Variants in KIRREL3 observed in about 807,000 individuals in gnomAD.
The protein encoded by KIRREL3 is kin of IRRE-like protein 3.
Under a neutral mutation model 89.7 loss-of-function variants are expected in KIRREL3, and 36 were observed. The ratio of observed to expected loss-of-function variants is 0.40; its 90% confidence interval spans 0.31 to 0.53. The LOEUF (loss-of-function observed/expected upper bound fraction) is 0.53, where lower values mean the gene tolerates loss of function less well. Ranked by LOEUF, KIRREL3 falls within the 20% of genes least tolerant of loss-of-function variation. The pLI, the probability that KIRREL3 is intolerant of heterozygous loss-of-function variation, is 0.49. For missense variants in KIRREL3, 864 were observed against 1,056.6 expected, an observed-to-expected ratio of 0.82 and a Z score of 2.53; for synonymous variants, 445 against 441.4, an observed-to-expected ratio of 1.01 and a Z score of -0.10.
chr11:126,808,218 G>A lies in KIRREL3; in HGVS notation c.55+192237C>T, dbSNP rs1184874598. On this transcript the variant is annotated intron_variant, in intron 1 of 16. Transcript: ENST00000525144. The surrounding 1 kb of genome is among the most constrained non-coding windows in gnomAD (Gnocchi z 4.1). Reference sequence around the variant, plus strand: ...CATAAAGGAAAGAGGGATCCATGGAGTAAGAGGTCCCTTCAGGGGAGTCAT... The same window carrying A: ...CATAAAGGAAAGAGGGATCCATGGAATAAGAGGTCCCTTCAGGGGAGTCAT... 6.6e-6 allele frequency among the ~76,000 whole-genome samples: 1 copy of A among 152,208 alleles called. No individual in the cohort carries two copies. The highest frequency in any genetic ancestry group is 1.5e-5 in the Non-Finnish European group (1 of 68,032).
Position 126,918,790 on chromosome 11 carries a change from C to A in KIRREL3, c.55+81665G>T, listed in dbSNP as rs568899204. 6.6e-6 allele frequency among the ~76,000 whole-genome samples: 1 copy of A among 152,134 alleles called. No homozygotes were observed. Among genetic ancestry groups the A allele is most frequent in the Non-Finnish European group, 1.5e-5 (1 of 68,030 alleles). On this transcript the variant is annotated intron_variant, in intron 1 of 16. Transcript: ENST00000525144. The surrounding 1 kb of genome is among the most constrained non-coding windows in gnomAD (Gnocchi z 6.5). Reference sequence around the variant, plus strand: ...GTAATCAATTGCAGGGTGTGCAAGGCCTTCCTGATGTCTGCATGTTATAAA... The same window carrying A: ...GTAATCAATTGCAGGGTGTGCAAGGACTTCCTGATGTCTGCATGTTATAAA...
At chr11:126,679,301 C>G (rs1458440438) in intron 1 of KIRREL3, among the ~76,000 whole-genome samples, 3 of 152,184 alleles carry the variant, frequency 2.0e-5, no homozygotes, top group Admixed American at 6.5e-5. Flanking sequence ...CAATATATAG[C>G]CTTGTGGTTG....
intron 1 of KIRREL3, among the ~76,000 whole-genome samples, chr11:126,851,479 G>T (rs1413124232): frequency 1.3e-5 from 2 of 152,180 alleles, no homozygotes; most frequent in East Asian, 1.9e-4. Context: ...GTGATTTATT[G>T]TTGAAATTCC....
chr11:126,804,156 C>T (rs1420630311), intron 1 of KIRREL3, among the ~76,000 whole-genome samples: 1 of 152,186 alleles, frequency 6.6e-6, no homozygotes, highest in African/African-American at 2.4e-5. Flanking sequence ...CAGTCAATGG[C>T]CAGCAACACG....
At chr11:126,725,324 G>A (rs555056047) in intron 1 of KIRREL3, among the ~76,000 whole-genome samples, 5 of 132,370 alleles carry the variant, frequency 3.8e-5, no homozygotes, top group African/African-American at 1.1e-4. Context: ...GGCAGAGTGC[G>A]CTATCAGGAG....
intron 1 of KIRREL3, among the ~76,000 whole-genome samples, chr11:126,789,661 G>A (rs953024055): frequency 6.6e-6 from 1 of 152,160 alleles, no homozygotes; most frequent in African/African-American, 2.4e-5. Context: ...TCTCCCCGGA[G>A]TTGTAGGAAG....
chr11:126,473,277 TCCACAC>T, intron 5 of KIRREL3, 26 bp downstream of exon 5: 1 of 438,750 alleles, frequency 2.3e-6, no homozygotes, highest in Non-Finnish European at 2.9e-6. Flanking sequence ...TTGAAGCCCG[TCCACAC>T]CCACCCCCTC....
At chr11:126,832,465 C>T (rs986171513) in intron 1 of KIRREL3, among the ~76,000 whole-genome samples, 1 of 152,212 alleles carries the variant, frequency 6.6e-6, no homozygotes, top group African/African-American at 2.4e-5. Flanking sequence ...AACCTCCTCC[C>T]TTTCCCAGAG....
In KIRREL3 at chr11:126,485,506, T is replaced by C. The variant is rs1468679947; in HGVS notation, c.434-12040A>G. Among the ~76,000 whole-genome samples the C allele has an allele frequency of 6.6e-6, 1 of 152,202 alleles. No individual in the cohort carries two copies. Among genetic ancestry groups the C allele is most frequent in the African/African-American group, 2.4e-5 (1 of 41,450 alleles). ...TGCAAATTCTCTGTGCTGGATGATGTTAATGTCATAGATATTATAGTAGCT... is the reference window on the plus strand; with the variant it reads ...TGCAAATTCTCTGTGCTGGATGATGCTAATGTCATAGATATTATAGTAGCT... On this transcript the variant is annotated intron_variant, in intron 4 of 16. Transcript: ENST00000525144. The surrounding 1 kb of genome is among the most constrained non-coding windows in gnomAD (Gnocchi z 5.8).
At chr11:126,828,406 C>A (rs1026232105) in intron 1 of KIRREL3, among the ~76,000 whole-genome samples, 2 of 152,172 alleles carry the variant, frequency 1.3e-5, no homozygotes, top group Non-Finnish European at 2.9e-5. Context: ...AAGCCTTAGT[C>A]TCTCCTACAA....
chr11:126,692,272 C>A lies in KIRREL3; in HGVS notation c.56-129360G>T, dbSNP rs149810755. On this transcript the variant is annotated intron_variant, in intron 1 of 16. Coordinates refer to ENST00000525144, the MANE Select transcript of KIRREL3 (RefSeq NM_032531.4). ...CTAAGAGGTGGAAATAGGCTGGGCA[C>A]GGTGGTTCAGGCCTGTAATCCTAGC... 2.5e-3 allele frequency among the ~76,000 whole-genome samples: 387 copies of A among 152,146 alleles called. 2 individuals are homozygous for A. The highest frequency in any genetic ancestry group is 8.9e-3 in the African/African-American group (370 of 41,500).
intron 1 of KIRREL3, among the ~76,000 whole-genome samples, chr11:126,933,179 G>A (rs1948028288): frequency 6.6e-6 from 1 of 152,096 alleles, no homozygotes; most frequent in Non-Finnish European, 1.5e-5. Flanking sequence ...GAAAAATGCT[G>A]TGCAATTCAA....
In KIRREL3 at chr11:126,471,668, A is replaced by G. The variant is rs1269714940; in HGVS notation, c.591+1641T>C. The stretch of plus-strand genomic sequence containing the variant: ...GTGTGGCCCTGGGGAGATTTAGGGT[A>G]GGGGTATAATGTCCTGGACTATGGA... On this transcript the variant is annotated intron_variant, in intron 5 of 16. Coordinates refer to ENST00000525144, the MANE Select transcript of KIRREL3 (RefSeq NM_032531.4). The surrounding 1 kb of genome is among the most constrained non-coding windows in gnomAD (Gnocchi z 5.4). Among the ~76,000 whole-genome samples, 1 of 151,642 alleles carries G rather than the reference A, an allele frequency of 6.6e-6. No homozygotes were observed. The highest frequency in any genetic ancestry group is 1.5e-5 in the Non-Finnish European group (1 of 67,948).
intron 1 of KIRREL3, among the ~76,000 whole-genome samples, chr11:126,952,790 CT>C (rs567885783): frequency 1.2e-3 from 178 of 152,288 alleles, no homozygotes; most frequent in African/African-American, 4.0e-3. Flanking sequence ...GAGATACCAT[CT>C]CACGCCAGTT....
rs1217250390 is a variant in KIRREL3, at chr11:126,872,906, C to T, written c.55+127549G>A. On this transcript the variant is annotated intron_variant, in intron 1 of 16. Coordinates refer to ENST00000525144, the MANE Select transcript of KIRREL3 (RefSeq NM_032531.4). The surrounding 1 kb of genome is among the most constrained non-coding windows in gnomAD (Gnocchi z 4.2). ...GACGGCCACTGTTCACCAGCTGTGC[C>T]GAGTTACTACACAGCCTGGAGGTCA... Among the ~76,000 whole-genome samples, 2 of 152,150 alleles carry T rather than the reference C, an allele frequency of 1.3e-5. No homozygotes were observed. The highest frequency in any genetic ancestry group is 2.9e-5 in the Non-Finnish European group (2 of 68,040).
chr11:126,867,888 G>A lies in KIRREL3; in HGVS notation c.55+132567C>T, dbSNP rs1944975343. 6.6e-6 allele frequency among the ~76,000 whole-genome samples: 1 copy of A among 152,134 alleles called. No homozygotes were observed. The highest frequency in any genetic ancestry group is 6.5e-5 in the Admixed American group (1 of 15,280). On this transcript the variant is annotated intron_variant, in intron 1 of 16. Transcript: ENST00000525144. This position sits in a 1 kb window ranked among gnomAD's most constrained non-coding sequence, Gnocchi z 4.7. ...TGGACTCCCCACGGATGCCATGCAT[G>A]TCTTATATATCTGTATCCCCTACAG...
intron 2 of KIRREL3, among the ~76,000 whole-genome samples, chr11:126,547,847 C>A (rs148835580): frequency 1.3e-3 from 191 of 152,304 alleles, no homozygotes; most frequent in African/African-American, 4.4e-3. Context: ...GTCGCCCAGA[C>A]ACAAAGCTCC....
At chr11:126,556,976 T>C (rs1216406681) in intron 2 of KIRREL3, among the ~76,000 whole-genome samples, 4 of 152,084 alleles carry the variant, frequency 2.6e-5, no homozygotes, top group African/African-American at 7.2e-5. Context: ...AAGCCCCAAC[T>C]AACAAAATGA....
chr11:126,435,354 T>C, intron 12 of KIRREL3, 51 bp from the exon 13 acceptor site: 2 of 1,590,064 alleles, frequency 1.3e-6, no homozygotes, highest in Non-Finnish European at 1.7e-6. Flanking sequence ...CTGGCCAGGG[T>C]GGGGTGGGAC....
Sources: gnomAD v4.1 joint callset for allele counts (sites outside exome capture counted in the v4.1 genomes callset) on GRCh38, gnomAD v4.1.1 for gene constraint, Gnocchi (gnomAD v3.1) non-coding constraint, MANE v1.5 for transcripts, NCBI Gene and HGNC (gene_info 2026-07-23, HGNC 2026-07-21) for gene names.